The following KIAA1328 variants were observed in gnomAD, a reference collection of about 807,000 sequenced individuals.
The protein encoded by KIAA1328 is KIAA1328.
In KIAA1328, 52 loss-of-function variants were observed where a neutral mutation model predicts 68.1. That is an observed-to-expected ratio of 0.76 (90% CI 0.61 to 0.96). The LOEUF (loss-of-function observed/expected upper bound fraction) is 0.96. Ranked by LOEUF, KIAA1328 falls within the 40% of genes least tolerant of loss-of-function variation. The pLI is 0.00. For synonymous variants in KIAA1328, 232 were observed against 239.4 expected, an observed-to-expected ratio of 0.97 and a Z score of 0.28; for missense variants, 641 against 677.6, an observed-to-expected ratio of 0.95 and a Z score of 0.60.
intron 7 of KIAA1328, among the ~76,000 whole-genome samples, chr18:37,138,064 T>C (rs1199161615): frequency 6.6e-6 from 1 of 152,218 alleles, no homozygotes; most frequent in Non-Finnish European, 1.5e-5. Context: ...TTCTATGTAC[T>C]AGATATTGCT....
At chr18:37,100,227 C>G (rs1309183151) in intron 7 of KIAA1328, among the ~76,000 whole-genome samples, 4 of 152,182 alleles carry the variant, frequency 2.6e-5, no homozygotes, top group Non-Finnish European at 5.9e-5. Context: ...CAAGGCATCG[C>G]CTCACCCAGG....
chr18:37,092,682 G>A (rs1406159688), intron 7 of KIAA1328, among the ~76,000 whole-genome samples: 2 of 152,052 alleles, frequency 1.3e-5, no homozygotes, highest in Non-Finnish European at 2.9e-5. Context: ...ACTGGCAAAT[G>A]TGCACATATC....
chr18:37,005,255 G>T (rs534528287), intron 6 of KIAA1328, among the ~76,000 whole-genome samples: 52 of 151,952 alleles, frequency 3.4e-4, no homozygotes, highest in Non-Finnish European at 1.9e-4. Context: ...TTTTGAAGAT[G>T]ATATGAAATT....
intron 6 of KIAA1328, chr18:37,063,406 G>A (rs2056228355): frequency 6.5e-6 from 1 of 152,866 alleles, no homozygotes. Context: ...ACCCAGGATA[G>A]TCTCCCTTTT....
intron 3 of KIAA1328, 120 bp downstream of exon 3, chr18:36,835,496 C>G: frequency 2.1e-6 from 2 of 953,606 alleles, no homozygotes; most frequent in South Asian, 1.9e-5. Context: ...TTAAAAGATA[C>G]AGAGGATTCC....
At chr18:37,172,828 A>G (rs963121341) in intron 8 of KIAA1328, 145 bp from the exon 9 acceptor site, 13 of 508,898 alleles carry the variant, frequency 2.6e-5, no homozygotes, top group East Asian at 1.3e-4. Context: ...TGAGTTTTTC[A>G]TATGCCATTG....
At chr18:36,950,256 A>G (rs1288596131) in intron 5 of KIAA1328, among the ~76,000 whole-genome samples, 2 of 152,198 alleles carry the variant, frequency 1.3e-5, no homozygotes, top group Non-Finnish European at 2.9e-5. Flanking sequence ...GTTAGAAAAC[A>G]TTTTAGTTTT....
chr18:36,941,477 C>T (rs916789016), intron 5 of KIAA1328, among the ~76,000 whole-genome samples: 2 of 152,132 alleles, frequency 1.3e-5, no homozygotes, highest in African/African-American at 4.8e-5. Flanking sequence ...TGCCTGCAAT[C>T]CCAGCTACTC....
intron 7 of KIAA1328, among the ~76,000 whole-genome samples, chr18:37,154,588 A>G (rs1402555166): frequency 1.3e-5 from 2 of 152,082 alleles, no homozygotes; most frequent in African/African-American, 4.8e-5. Context: ...CCCAATATCC[A>G]TATGGTTGAT....
chr18:37,053,668 C>T (rs1461216738), intron 6 of KIAA1328, among the ~76,000 whole-genome samples: 1 of 152,006 alleles, frequency 6.6e-6, no homozygotes, highest in Non-Finnish European at 1.5e-5. Flanking sequence ...GGTAGGCCTC[C>T]GGAAACTTAC....
intron 8 of KIAA1328, among the ~76,000 whole-genome samples, chr18:37,165,829 G>A (rs529797298): frequency 7.2e-5 from 11 of 151,950 alleles, no homozygotes; most frequent in Non-Finnish European, 1.5e-4. Context: ...CTGACCTCAG[G>A]TAGGCACCGC....
At chr18:37,139,405 G>C (rs1295450696) in intron 7 of KIAA1328, among the ~76,000 whole-genome samples, 1 of 152,110 alleles carries the variant, frequency 6.6e-6, no homozygotes, top group African/African-American at 2.4e-5. Context: ...GTGACACCTG[G>C]CTTGTATTCA....
chr18:36,975,473 C>T (rs953025835), intron 6 of KIAA1328, among the ~76,000 whole-genome samples: 1 of 152,150 alleles, frequency 6.6e-6, no homozygotes, highest in African/African-American at 2.4e-5. Context: ...TGAGCCACCG[C>T]GCCCGGCCTA....
chr18:37,157,357 T>C (rs1213826075), intron 7 of KIAA1328, among the ~76,000 whole-genome samples: 2 of 152,206 alleles, frequency 1.3e-5, no homozygotes, highest in African/African-American at 2.4e-5. Context: ...CCTCTATTTC[T>C]TCTACTCCCT....
chr18:36,929,320 G>C (rs2050230542), intron 5 of KIAA1328, among the ~76,000 whole-genome samples: 1 of 152,124 alleles, frequency 6.6e-6, no homozygotes, highest in African/African-American at 2.4e-5. Context: ...ACTGAGATAG[G>C]TCATATTTAT....
At chr18:37,200,539 C>T (rs372142624) in intron 9 of KIAA1328, among the ~76,000 whole-genome samples, 168 of 152,140 alleles carry the variant, frequency 1.1e-3, no homozygotes, top group African/African-American at 3.3e-3. Flanking sequence ...CGGCCGGGCG[C>T]GGTGGCTCAC....
intron 6 of KIAA1328, among the ~76,000 whole-genome samples, chr18:37,029,412 C>T (rs903671920): frequency 2.0e-5 from 3 of 151,952 alleles, no homozygotes; most frequent in African/African-American, 7.2e-5. Flanking sequence ...CTCACTGTGT[C>T]GCCCAGGCTG....
intron 6 of KIAA1328, among the ~76,000 whole-genome samples, chr18:37,004,577 G>A (rs2053708131): frequency 6.6e-6 from 1 of 152,026 alleles, no homozygotes; most frequent in South Asian, 2.1e-4. Flanking sequence ...ACTCCTGCAA[G>A]AATGACCGTA....
At chr18:37,099,977 G>A (rs961795715) in intron 7 of KIAA1328, among the ~76,000 whole-genome samples, 10 of 152,194 alleles carry the variant, frequency 6.6e-5, no homozygotes, top group East Asian at 1.9e-4. Context: ...GTCTTTGCAC[G>A]TGAGATGGGT....
Sources: allele counts gnomAD v4.1 joint callset (sites outside exome capture counted in the v4.1 genomes callset), GRCh38; gene constraint gnomAD v4.1.1; transcripts MANE v1.5; gene names NCBI Gene and HGNC (gene_info 2026-07-23, HGNC 2026-07-21).